The following SBF2 variants were observed in gnomAD, a reference collection of about 807,000 sequenced individuals.
SBF2 encodes SET binding factor 2.
A neutral mutation model predicts 225.2 loss-of-function variants in SBF2; 112 were observed. The ratio of observed to expected loss-of-function variants is 0.50; its 90% confidence interval spans 0.43 to 0.58. SBF2 has a LOEUF of 0.58. Among genes scored for constraint, SBF2 ranks in the 20% least tolerant of loss-of-function variants. The pLI, the probability that SBF2 is intolerant of heterozygous loss-of-function variation, is 0.00. For missense variants in SBF2, 1,996 were observed against 2,206.2 expected (o/e 0.90, Z 1.91); for synonymous variants, 763 against 773.3 (o/e 0.99, Z 0.22).
intron 28 of SBF2, among the ~76,000 whole-genome samples, chr11:9,825,646 A>G (rs1051657302): frequency 6.6e-6 from 1 of 152,214 alleles, no homozygotes; most frequent in East Asian, 1.9e-4. Context: ...AAGGGAAAAA[A>G]GTGAATTTTG....
At chr11:9,858,536 T>C in intron 17 of SBF2, 140 bp from the exon 18 acceptor site, 1 of 840,864 alleles carries the variant, frequency 1.2e-6, no homozygotes, top group Non-Finnish European at 1.8e-6. Flanking sequence ...GGCTTAGCAA[T>C]CAGCAACTTA....
At chr11:10,048,380 G>A (rs773802279) in intron 2 of SBF2, among the ~76,000 whole-genome samples, 1 of 152,142 alleles carries the variant, frequency 6.6e-6, no homozygotes, top group Non-Finnish European at 1.5e-5. Context: ...TTTACTGTGA[G>A]TAAAACTGCT....
intron 1 of SBF2, among the ~76,000 whole-genome samples, chr11:10,198,265 ATGT>A (rs1485806041): frequency 6.6e-6 from 1 of 152,226 alleles, no homozygotes; most frequent in Non-Finnish European, 1.5e-5. Flanking sequence ...TGCAGAATAG[ATGT>A]TGTGTTAGCA....
At chr11:9,830,965 A>G (rs1461905064) in intron 27 of SBF2, among the ~76,000 whole-genome samples, 1 of 152,142 alleles carries the variant, frequency 6.6e-6, no homozygotes, top group Non-Finnish European at 1.5e-5. Context: ...CTCATTTTAC[A>G]TAACATATAT....
chr11:10,137,374 G>C (rs143432126), intron 2 of SBF2, among the ~76,000 whole-genome samples: 1 of 152,210 alleles, frequency 6.6e-6, no homozygotes, highest in Non-Finnish European at 1.5e-5. Context: ...ATTTTGATCT[G>C]CATGTCCTTT....
At chr11:9,782,183 TA>T (rs11345786) in intron 38 of SBF2, among the ~76,000 whole-genome samples, 117,245 of 139,698 alleles carry the variant, frequency 0.84, 48,373 homozygotes, top group Admixed American at 0.85. Flanking sequence ...TCTCAAAAAA[TA>T]AAAAAAAAAA....
At chr11:9,879,162 C>G (rs1169196988) in intron 17 of SBF2, among the ~76,000 whole-genome samples, 3 of 152,208 alleles carry the variant, frequency 2.0e-5, no homozygotes, top group African/African-American at 7.2e-5. Flanking sequence ...AAATCCCCAT[C>G]AAATCTATGA....
At chr11:10,036,861 T>C (rs929913487) in intron 3 of SBF2, among the ~76,000 whole-genome samples, 4 of 152,214 alleles carry the variant, frequency 2.6e-5, no homozygotes. Flanking sequence ...TATATTTGAA[T>C]GTAGTAATTT....
intron 1 of SBF2, among the ~76,000 whole-genome samples, chr11:10,261,552 T>C (rs1019534959): frequency 6.6e-6 from 1 of 152,340 alleles, no homozygotes; most frequent in Middle Eastern, 3.4e-3. Context: ...GGTATACCAC[T>C]TTGGGAAAAG....
chr11:9,805,686 C>T (rs1590124983), intron 32 of SBF2, among the ~76,000 whole-genome samples: 1 of 152,058 alleles, frequency 6.6e-6, no homozygotes, highest in East Asian at 1.9e-4. Flanking sequence ...GCAGTGGGGG[C>T]TTCTCAGCTC....
chr11:10,098,791 T>A (rs1241646181), intron 2 of SBF2, among the ~76,000 whole-genome samples: 3 of 146,858 alleles, frequency 2.0e-5, no homozygotes, highest in Non-Finnish European at 4.5e-5. Flanking sequence ...TCAGACTTGA[T>A]AAAGAAAAGA....
At chr11:10,237,110 G>A (rs571292348) in intron 1 of SBF2, among the ~76,000 whole-genome samples, 1 of 152,262 alleles carries the variant, frequency 6.6e-6, no homozygotes, top group African/African-American at 2.4e-5. Flanking sequence ...ATTTTGGGAG[G>A]CTGAGGCGGG....
In SBF2 at chr11:10,057,149, G is replaced by T. The variant is rs535939047; in HGVS notation, c.142-14168C>A. On this transcript the variant is annotated intron_variant, in intron 2 of 39. Transcript: ENST00000256190. ...AAATCTGAGGTGACTAGAGACTGCA[G>T]CGGGCCCCAAGCATACTGTAGCAGC... Among the ~76,000 whole-genome samples, 10 of 152,172 alleles carry T rather than the reference G, an allele frequency of 6.6e-5. No individual in the cohort carries two copies. In the South Asian group the frequency reaches 2.1e-3, roughly 32 times the overall value.
chr11:9,993,212 T>C (rs976991548), intron 10 of SBF2, 109 bp from the exon 11 acceptor site: 2 of 764,044 alleles, frequency 2.6e-6, no homozygotes, highest in East Asian at 5.2e-5. Flanking sequence ...GATTTTTATA[T>C]CCACCAAAAC....
chr11:10,275,350 C>T (rs2135547064), intron 1 of SBF2, among the ~76,000 whole-genome samples: 1 of 152,236 alleles, frequency 6.6e-6, no homozygotes, highest in East Asian at 1.9e-4. Context: ...TCTTTAGTGG[C>T]AAAACTCTAA....
At chr11:10,112,010 A>G (rs1952886779) in intron 2 of SBF2, among the ~76,000 whole-genome samples, 1 of 152,250 alleles carries the variant, frequency 6.6e-6, no homozygotes, top group Non-Finnish European at 1.5e-5. Context: ...ATCAAATTTG[A>G]ATGACATAAA....
chr11:9,880,712 GAAT>G (rs1268068618), intron 17 of SBF2, among the ~76,000 whole-genome samples: 2 of 152,170 alleles, frequency 1.3e-5, no homozygotes, highest in Admixed American at 6.5e-5. Context: ...AGTGACCAGA[GAAT>G]AATATTAGTC....
chr11:10,212,629 ATTTG>A (rs1485158311), intron 1 of SBF2, among the ~76,000 whole-genome samples: 1 of 152,158 alleles, frequency 6.6e-6, no homozygotes, highest in Non-Finnish European at 1.5e-5. Context: ...TTCTCTTTTC[ATTTG>A]TTTGTTTAGT....
chr11:10,174,875 G>C (rs943497241), intron 2 of SBF2, among the ~76,000 whole-genome samples: 81 of 150,898 alleles, frequency 5.4e-4, no homozygotes, highest in Non-Finnish European at 9.0e-4. Context: ...TTAAAGAAAA[G>C]AATTTTCAAC....
Sources: allele counts gnomAD v4.1 joint callset (sites outside exome capture counted in the v4.1 genomes callset), GRCh38; gene constraint gnomAD v4.1.1; transcripts MANE v1.5; gene names NCBI Gene and HGNC (gene_info 2026-07-23, HGNC 2026-07-21).